CREBBP: variants seen among roughly 807,000 people sequenced by gnomAD.
The protein encoded by CREBBP is CREB binding lysine acetyltransferase.
In CREBBP, 19 loss-of-function variants were observed where a neutral mutation model predicts 265.0. That is an observed-to-expected ratio of 0.07 (90% CI 0.05 to 0.11). The LOEUF (loss-of-function observed/expected upper bound fraction) is 0.11, where lower values mean the gene tolerates loss of function less well. CREBBP is among the 10% of genes least tolerant of loss of function. The probability of loss-of-function intolerance (pLI) is 1.00; values close to 1 mark genes in which losing one functional copy is unlikely to be tolerated. For missense variants in CREBBP, 2,525 were observed against 3,219.0 expected, an observed-to-expected ratio of 0.78 and a Z score of 5.22; for synonymous variants, 1,457 against 1,223.7, an observed-to-expected ratio of 1.19 and a Z score of -3.98.
chr16:3,765,983 T>C (rs1334405600), intron 16 of CREBBP, among the ~76,000 whole-genome samples: 2 of 152,158 alleles, frequency 1.3e-5, no homozygotes, highest in East Asian at 1.9e-4. Context: ...TGAGCCACCA[T>C]GCACGCCCTG....
rs570171211 is a variant in CREBBP, at chr16:3,782,976, G to A, written c.1331-50C>T. The A allele has an allele frequency of 8.1e-6, 13 of 1,612,672 alleles. No individual in the cohort carries two copies. In the African/African-American group the frequency reaches 1.7e-4, roughly 22 times the overall value. ...ACAAAAACGAGAGGTAAGTAAAAGGGAGAAGCCCACGAATGATTTAAAAAC... is the reference window on the plus strand; with the variant it reads ...ACAAAAACGAGAGGTAAGTAAAAGGAAGAAGCCCACGAATGATTTAAAAAC... On this transcript the variant is annotated intron_variant, in intron 5 of 30. Transcript: ENST00000262367.
chr16:3,879,064 AC>A (rs1334350124), intron 1 of CREBBP, among the ~76,000 whole-genome samples: 5 of 152,022 alleles, frequency 3.3e-5, no homozygotes, highest in Non-Finnish European at 7.4e-5. Flanking sequence ...TGAAAGCAAC[AC>A]AAACTCAAAT....
chr16:3,725,277 C>T lies in CREBBP; in HGVS notation c.*2441G>A, dbSNP rs2051713323. 1 of 233,348 alleles carries T rather than the reference C, an allele frequency of 4.3e-6. No homozygotes were observed. The highest frequency in any genetic ancestry group is 8.5e-6 in the Non-Finnish European group (1 of 117,988). The allele number at this position is 233,348 out of a possible 1,614,324, so 14.5% of individuals were successfully genotyped here. A position where few individuals can be genotyped will look rare whatever the true frequency, so the allele number is the denominator to read the frequency against. On this transcript the variant is annotated 3_prime_UTR_variant, in exon 31 of 31. Transcript: ENST00000262367. The stretch of plus-strand genomic sequence containing the variant: ...GTCACATCCTTCGACATCTGGATTG[C>T]CCAAGACGGTTGCACAGGATGCAGA...
At chr16:3,826,681 G>A (rs904227017) in intron 2 of CREBBP, among the ~76,000 whole-genome samples, 2 of 152,142 alleles carry the variant, frequency 1.3e-5, no homozygotes, top group African/African-American at 4.8e-5. Context: ...CCTCAAAACT[G>A]TCAAGGTCAT....
At position 3,854,154 on chromosome 16, in the gene CREBBP, A is replaced by T. The variant is rs116516108; in HGVS notation, c.86-3145T>A. Among the ~76,000 whole-genome samples, 516 of 152,284 alleles carry T rather than the reference A, an allele frequency of 3.4e-3. 5 individuals carry two copies. Among genetic ancestry groups the T allele is most frequent in the African/African-American group, 0.012 (492 of 41,558 alleles). ...TGGCCACAGGAGGGAGAGTAACCAG[A>T]TAAGCCCACCACCACGATCACGTTC... On this transcript the variant is annotated intron_variant, in intron 1 of 30. Coordinates refer to ENST00000262367, the MANE Select transcript of CREBBP (RefSeq NM_004380.3).
intron 2 of CREBBP, among the ~76,000 whole-genome samples, chr16:3,821,281 G>C (rs1205663483): frequency 6.6e-6 from 1 of 152,230 alleles, no homozygotes; most frequent in African/African-American, 2.4e-5. Context: ...TACTCGCAGT[G>C]AGTGACAACT....
At chr16:3,797,482 C>T (rs2053630555) in intron 3 of CREBBP, among the ~76,000 whole-genome samples, 2 of 152,112 alleles carry the variant, frequency 1.3e-5, no homozygotes, top group Non-Finnish European at 2.9e-5. Context: ...TTCCTATACA[C>T]ACACCTATGA....
chr16:3,730,044 G>A (rs777048891), intron 30 of CREBBP, among the ~76,000 whole-genome samples, 170 bp from the exon 31 acceptor site: 12 of 152,130 alleles, frequency 7.9e-5, no homozygotes, highest in South Asian at 6.2e-4. Context: ...CGGACAGGGC[G>A]GGAGCACGGA....
intron 4 of CREBBP, among the ~76,000 whole-genome samples, chr16:3,792,967 C>A (rs1396630488): frequency 6.6e-6 from 1 of 152,212 alleles, no homozygotes; most frequent in Non-Finnish European, 1.5e-5. Context: ...AGGCCGCAGG[C>A]CACCAAGACA....
Position 3,823,061 on chromosome 16 carries a change from A to G in CREBBP, c.799-12282T>C, listed in dbSNP as rs781481885. 2.3e-4 allele frequency among the ~76,000 whole-genome samples: 35 copies of G among 152,236 alleles called. 2 individuals are homozygous for G. On this transcript the variant is annotated intron_variant, in intron 2 of 30. Transcript: ENST00000262367. ...AAAAAGAAAAAAAGGACACAAATGTATAATCCCCATAAAACACACACCTAT... is the reference window on the plus strand; with the variant it reads ...AAAAAGAAAAAAAGGACACAAATGTGTAATCCCCATAAAACACACACCTAT...
intron 15 of CREBBP, among the ~76,000 whole-genome samples, chr16:3,768,730 G>C (rs1284269331): frequency 2.6e-5 from 4 of 152,164 alleles, no homozygotes; most frequent in Non-Finnish European, 4.4e-5. Context: ...CAGAAATCTA[G>C]AGTTTTATTT....
chr16:3,728,684 G>A lies in CREBBP; in HGVS notation c.6363C>T (p.Leu2121=), dbSNP rs754164754. 1.2e-6 allele frequency: 2 copies of A among 1,613,784 alleles called. No individual in the cohort carries two copies. The highest frequency in any genetic ancestry group is 1.7e-6 in the Non-Finnish European group (2 of 1,179,876). The change falls in exon 31 of 31, where the codon CTC becomes CTT. Residue 2121 remains leucine, a synonymous_variant. Transcript: ENST00000262367. This position sits in a 1 kb window ranked among gnomAD's most constrained non-coding sequence, Gnocchi z 8.7. ...NQPGMQPQPG[L]QSQPGMQPQP... ...GGGGTTGCATGCCGGGCTGGGACTGGAGGCCAGGCTGGGGCTGCATGCCGG... is the reference window on the plus strand; with the variant it reads ...GGGGTTGCATGCCGGGCTGGGACTGAAGGCCAGGCTGGGGCTGCATGCCGG...
intron 16 of CREBBP, among the ~76,000 whole-genome samples, chr16:3,763,758 C>A (rs1458401223): frequency 6.6e-6 from 1 of 152,182 alleles, no homozygotes; most frequent in African/African-American, 2.4e-5. Flanking sequence ...GCCACTGCGC[C>A]CGGCCTGAAA....
rs200673670 is a variant in CREBBP at position 3,850,824 on chromosome 16, C to A, written c.271G>T (p.Ala91Ser). 2.1e-5 allele frequency: 34 copies of A among 1,613,974 alleles called. No individual in the cohort carries two copies. In the Middle Eastern group the frequency reaches 1.2e-3, roughly 55 times the overall value. ...AGGCCCTGCTGCACGGGGCTGCTGG[C>A]GCTCACATTTCCTATTCCTGGGTTG... The part of the protein sequence containing the change: ...SINPGIGNVS[A>S]SSPVQQGLGG... The change falls in exon 2 of 31, where the codon GCC becomes TCC. Residue 91 changes from alanine to serine, a missense_variant. Transcript: ENST00000262367.
At chr16:3,773,411 C>T (rs1176954675) in intron 13 of CREBBP, among the ~76,000 whole-genome samples, 1 of 152,062 alleles carries the variant, frequency 6.6e-6, no homozygotes, top group Non-Finnish European at 1.5e-5. Flanking sequence ...TTTTAAAATC[C>T]TAATGCCTCT....
intron 1 of CREBBP, among the ~76,000 whole-genome samples, chr16:3,851,573 G>A (rs1222445571): frequency 6.6e-6 from 1 of 152,092 alleles, no homozygotes; most frequent in Non-Finnish European, 1.5e-5. Context: ...ATGTATGTGT[G>A]GCCGGGCATG....
intron 2 of CREBBP, among the ~76,000 whole-genome samples, chr16:3,825,660 T>C (rs2054223019): frequency 6.6e-6 from 1 of 152,198 alleles, no homozygotes; most frequent in African/African-American, 2.4e-5. Context: ...CAAAGATGAT[T>C]AAAGATGCTG....
intron 8 of CREBBP, among the ~76,000 whole-genome samples, 170 bp downstream of exon 8, chr16:3,780,562 T>C (rs1036519554): frequency 7.3e-5 from 11 of 151,648 alleles, no homozygotes; most frequent in Admixed American, 2.0e-4. Flanking sequence ...GGACATAGAG[T>C]GTGGGAATCT....
At position 3,725,381 on chromosome 16, in the gene CREBBP, T is replaced by A; in HGVS notation, c.*2337A>T. ...AACAGAGGCCCCTCCACTGCCCACA[T>A]TAAAAGGCTGCACAACCAGGAGGGC... On this transcript the variant is annotated 3_prime_UTR_variant, in exon 31 of 31. Transcript: ENST00000262367. 4.3e-6 allele frequency: 1 copy of A among 233,274 alleles called. No individual in the cohort carries two copies. Among genetic ancestry groups the A allele is most frequent in the Non-Finnish European group, 8.5e-6 (1 of 118,024 alleles). The allele number at this position is 233,274 out of a possible 1,614,324, so 14.5% of individuals were successfully genotyped here.
Sources: allele counts gnomAD v4.1 joint callset (sites outside exome capture counted in the v4.1 genomes callset), GRCh38; gene constraint gnomAD v4.1.1; non-coding constraint Gnocchi (gnomAD v3.1); transcripts MANE v1.5; gene names NCBI Gene and HGNC (gene_info 2026-07-23, HGNC 2026-07-21).